THAP4: variants seen among roughly 807,000 people sequenced by gnomAD.
The protein encoded by THAP4 is THAP domain containing 4.
In THAP4, 18 loss-of-function variants were observed where a neutral mutation model predicts 48.1. That is an observed-to-expected ratio of 0.37 (90% CI 0.26 to 0.56). The LOEUF (loss-of-function observed/expected upper bound fraction) is 0.56, where lower values mean the gene tolerates loss of function less well. THAP4 is among the 20% of genes least tolerant of loss of function. THAP4 has a pLI of 0.78. For synonymous variants in THAP4, 345 were observed against 324.9 expected, an observed-to-expected ratio of 1.06 and a Z score of -0.66; for missense variants, 656 against 774.9, an observed-to-expected ratio of 0.85 and a Z score of 1.82.
In THAP4 at chr2:241,633,345, C is replaced by T; in HGVS notation, c.812G>A (p.Gly271Glu). Residue 271 changes from glycine to glutamate, a missense_variant, in exon 2 of 6, where the codon GGG becomes GAG. Physicochemically the swap from Gly to Glu is moderately conservative, Grantham distance 98 (BLOSUM62 -2). This residue lies in a region of THAP4 where 391 missense variants were observed against 412.4 expected (regional missense o/e 0.95). Transcript: ENST00000407315. This position sits in a 1 kb window ranked among gnomAD's most constrained non-coding sequence, Gnocchi z 7.5. ...LKKDVEPSCS[G>E]SSLGPDKGLA... is the part of the protein sequence containing the mutation. ...GCCCTTGTCGGGTCCCAGGCTGCTC[C>T]CACTGCAGCTTGGTTCCACATCTTT... The T allele has an allele frequency of 6.2e-7, 1 of 1,612,666 alleles. No homozygotes were observed. Among genetic ancestry groups the T allele is most frequent in the Non-Finnish European group, 8.5e-7 (1 of 1,179,958 alleles).
chr2:241,586,258 A>G (rs1575013980), intron 5 of THAP4, among the ~76,000 whole-genome samples: 1 of 127,354 alleles, frequency 7.9e-6, no homozygotes, highest in African/African-American at 3.1e-5. Flanking sequence ...CTCCATCTGA[A>G]GAGGAAAAAA....
At chr2:241,591,286 C>T (rs1254774515) in intron 5 of THAP4, among the ~76,000 whole-genome samples, 1 of 151,932 alleles carries the variant, frequency 6.6e-6, no homozygotes, top group East Asian at 1.9e-4. Context: ...TGGCAGAAAC[C>T]AGGCCGGGGG....
intron 5 of THAP4, among the ~76,000 whole-genome samples, chr2:241,585,365 T>C (rs2066881009): frequency 6.9e-6 from 1 of 145,520 alleles, no homozygotes; most frequent in Non-Finnish European, 1.5e-5. Context: ...TGATGGGCAC[T>C]ATCTCTCTAG....
At chr2:241,625,345 C>T (rs1184367479) in intron 2 of THAP4, among the ~76,000 whole-genome samples, 2 of 151,862 alleles carry the variant, frequency 1.3e-5, no homozygotes, top group Non-Finnish European at 2.9e-5. Flanking sequence ...TGTGACGGCA[C>T]GTGTCCATAG....
chr2:241,599,022 C>T lies in THAP4; in HGVS notation c.1614+2874G>A, dbSNP rs575032926. 2.5e-3 allele frequency among the ~76,000 whole-genome samples: 380 copies of T among 152,090 alleles called. 2 individuals carry two copies. Among genetic ancestry groups the T allele is most frequent in the African/African-American group, 8.3e-3 (346 of 41,504 alleles). On this transcript the variant is annotated intron_variant, in intron 5 of 5. Transcript: ENST00000407315. ...ATCCCAACACTTTAGGAAGCTGAGC[C>T]GGGTGGGTCACTTGAGATCAGGAAT...
Position 241,610,009 on chromosome 2 carries a change from G to T in THAP4, c.1241-3536C>A, listed in dbSNP as rs564619713. ...CGATCCAGAGTCCAGGTTCTGAGCT[G>T]CTGCACCGGGGCCGCGATCTCCACC... On this transcript the variant is annotated intron_variant, in intron 2 of 5. Coordinates refer to ENST00000407315, the MANE Select transcript of THAP4 (RefSeq NM_015963.6). The surrounding 1 kb of genome is among the most constrained non-coding windows in gnomAD (Gnocchi z 4.2). Among the ~76,000 whole-genome samples the T allele has an allele frequency of 9.2e-5, 14 of 151,782 alleles. No homozygotes were observed. In the East Asian group the frequency reaches 2.7e-3, roughly 30 times the overall value.
intron 2 of THAP4, among the ~76,000 whole-genome samples, chr2:241,624,508 TAAAC>T (rs1388780918): frequency 6.7e-6 from 1 of 150,276 alleles, no homozygotes; most frequent in Non-Finnish European, 1.5e-5. Context: ...AAGATACAAA[TAAAC>T]AGTCAGAGGA....
At chr2:241,619,278 A>C (rs572386943) in intron 2 of THAP4, among the ~76,000 whole-genome samples, 27 of 152,358 alleles carry the variant, frequency 1.8e-4, no homozygotes, top group African/African-American at 5.3e-4. Context: ...CCCGAGTGCC[A>C]GCCAGGTTAA....
intron 2 of THAP4, among the ~76,000 whole-genome samples, chr2:241,626,377 G>A (rs1309793668): frequency 6.6e-6 from 1 of 151,998 alleles, no homozygotes; most frequent in Non-Finnish European, 1.5e-5. Context: ...GGAGTCGGAG[G>A]TTGCAGTGAG....
chr2:241,621,941 C>CAA (rs542392484), intron 2 of THAP4, among the ~76,000 whole-genome samples: 1 of 140,130 alleles, frequency 7.1e-6, no homozygotes, highest in Non-Finnish European at 1.6e-5. Context: ...ACCACGCAAG[C>CAA]AAAAAAAAAA....
At chr2:241,631,545 A>G (rs1215029188) in intron 2 of THAP4, among the ~76,000 whole-genome samples, 1 of 152,222 alleles carries the variant, frequency 6.6e-6, no homozygotes, top group Non-Finnish European at 1.5e-5. Context: ...AGCTCACTAC[A>G]GCCTCGACCT....
intron 2 of THAP4, among the ~76,000 whole-genome samples, chr2:241,608,534 C>T (rs527932140): frequency 5.3e-4 from 81 of 152,066 alleles, no homozygotes; most frequent in Non-Finnish European, 8.5e-4. Flanking sequence ...TCAAGATTTT[C>T]GTTGCAATCT....
At position 241,626,926 on chromosome 2, in the gene THAP4, T is replaced by A. The variant is rs938130330; in HGVS notation, c.1240+5991A>T. ...CTTGAACATTACAAATTAAACAGAT[T>A]AGTGTAATAAATCCACACACATGTC... On this transcript the variant is annotated intron_variant, in intron 2 of 5. Transcript: ENST00000407315. Among the ~76,000 whole-genome samples, 9 of 152,354 alleles carry A rather than the reference T, an allele frequency of 5.9e-5. No homozygotes were observed. The East Asian group carries it at 1.3e-3, about 23-fold the overall frequency.
intron 2 of THAP4, among the ~76,000 whole-genome samples, chr2:241,632,152 G>A (rs2067571836): frequency 1.3e-5 from 2 of 151,670 alleles, no homozygotes; most frequent in Admixed American, 6.6e-5. Flanking sequence ...GAGTGAAGTG[G>A]TGCAATCCTG....
Position 241,584,625 on chromosome 2 carries a change from T to C in THAP4, c.1715A>G (p.Tyr572Cys). The C allele has an allele frequency of 6.2e-7, 1 of 1,614,074 alleles. No individual in the cohort carries two copies. Among genetic ancestry groups the C allele is most frequent in the Non-Finnish European group, 8.5e-7 (1 of 1,179,968 alleles). The change falls in exon 6 of 6, where the codon TAC becomes TGC. Residue 572 changes from tyrosine (Y) to cysteine (C), a missense_variant. Coordinates refer to ENST00000407315, the MANE Select transcript of THAP4 (RefSeq NM_015963.6). ...QPMTQHLHVTYKKVTP is the reference protein window; with the variant it reads ...QPMTQHLHVTCKKVTP The stretch of plus-strand genomic sequence containing the variant: ...CTAGGTTTACGGGGTCACCTTCTTG[T>C]AGGTGACGTGAAGATGCTGAGTCAT...
intron 2 of THAP4, among the ~76,000 whole-genome samples, chr2:241,630,806 G>A (rs1428129937): frequency 1.3e-5 from 2 of 150,998 alleles, no homozygotes; most frequent in African/African-American, 2.4e-5. Context: ...AATTCCGAGA[G>A]AAGGCCTGGT....
At chr2:241,594,523 A>G in intron 5 of THAP4, 1 of 276,088 alleles carries the variant, frequency 3.6e-6, no homozygotes, top group Non-Finnish European at 7.3e-6. Flanking sequence ...TCAGGAGTTC[A>G]AGACCTGCCT....
intron 5 of THAP4, chr2:241,594,614 C>T (rs908592112): frequency 4.5e-5 from 16 of 352,734 alleles, no homozygotes; most frequent in African/African-American, 2.8e-4. Context: ...CAACAAAAAC[C>T]GGGCATGCTG....
At chr2:241,591,132 G>C (rs1363560238) in intron 5 of THAP4, among the ~76,000 whole-genome samples, 1 of 103,360 alleles carries the variant, frequency 9.7e-6, no homozygotes, top group East Asian at 3.3e-4. Flanking sequence ...ATGGGCACTA[G>C]GACACTCAGA....
Sources: allele counts gnomAD v4.1 joint callset (sites outside exome capture counted in the v4.1 genomes callset), GRCh38; gene constraint gnomAD v4.1.1; regional missense constraint gnomAD v4.1.1; non-coding constraint Gnocchi (gnomAD v3.1); transcripts MANE v1.5; gene names NCBI Gene and HGNC (gene_info 2026-07-23, HGNC 2026-07-21).